Variants in PPP2R3A observed in about 807,000 individuals in gnomAD.
The protein encoded by PPP2R3A is serine/threonine-protein phosphatase 2A regulatory subunit B'' subunit alpha.
In PPP2R3A, 80 loss-of-function variants were observed where a neutral mutation model predicts 106.9. The ratio of observed to expected loss-of-function variants is 0.75; its 90% CI spans 0.62 to 0.90. PPP2R3A has a LOEUF of 0.90. Among genes scored for constraint, PPP2R3A ranks in the 40% least tolerant of loss-of-function variants. The probability of loss-of-function intolerance (pLI) is 0.00; values close to 1 mark genes in which losing one functional copy is unlikely to be tolerated. For synonymous variants in PPP2R3A, 483 were observed against 468.3 expected, an observed-to-expected ratio of 1.03 and a Z score of -0.41; for missense variants, 1,386 against 1,350.4, an observed-to-expected ratio of 1.03 and a Z score of -0.41.
At position 136,126,352 on chromosome 3, in the gene PPP2R3A, G is replaced by T. The variant is rs1207429336; in HGVS notation, c.3330-18691G>T. Among the ~76,000 whole-genome samples the T allele has an allele frequency of 2.6e-5, 4 of 152,212 alleles. No homozygotes were observed. The East Asian group carries it at 7.7e-4, about 29-fold the overall frequency. On this transcript the variant is annotated intron_variant, in intron 13 of 13. Transcript: ENST00000264977. ...CTGGCTCGGCAGGTCCCATGCCCAT[G>T]GAGCCTTGCTCACTGCTAGCGCAGC... is the stretch of plus-strand genomic sequence containing the variant.
intron 1 of PPP2R3A, among the ~76,000 whole-genome samples, chr3:135,981,457 A>G (rs1937538248): frequency 6.6e-6 from 1 of 151,906 alleles, no homozygotes; most frequent in Non-Finnish European, 1.5e-5. Flanking sequence ...GGAGCCAGTT[A>G]GCCCTTCCTT....
intron 2 of PPP2R3A, among the ~76,000 whole-genome samples, chr3:136,021,082 G>A (rs75785709): frequency 1.5e-3 from 221 of 152,164 alleles, no homozygotes; most frequent in Admixed American, 5.8e-3. Context: ...TTGGGAAGGA[G>A]AGGAAATTTA....
At chr3:135,967,632 GACAA>G (rs1449588397) in intron 1 of PPP2R3A, among the ~76,000 whole-genome samples, 5 of 152,148 alleles carry the variant, frequency 3.3e-5, no homozygotes, top group Non-Finnish European at 4.4e-5. Context: ...CCTTGCTCCT[GACAA>G]ACATAGTCCC....
At chr3:136,077,482 A>C (rs1422107909) in intron 6 of PPP2R3A, among the ~76,000 whole-genome samples, 1 of 152,134 alleles carries the variant, frequency 6.6e-6, no homozygotes, top group Non-Finnish European at 1.5e-5. Flanking sequence ...GACTATCAAA[A>C]TAAAAGCAGA....
intron 5 of PPP2R3A, among the ~76,000 whole-genome samples, chr3:136,059,935 C>T (rs561634141): frequency 6.6e-6 from 1 of 152,180 alleles, no homozygotes; most frequent in Admixed American, 6.5e-5. Flanking sequence ...ATGATGAGAA[C>T]ACATGGACAC....
At chr3:136,088,517 T>A (rs533750085) in intron 9 of PPP2R3A, among the ~76,000 whole-genome samples, 1 of 152,328 alleles carries the variant, frequency 6.6e-6, no homozygotes, top group East Asian at 1.9e-4. Flanking sequence ...TCTAGGTTGA[T>A]TCCATGTCTT....
intron 2 of PPP2R3A, among the ~76,000 whole-genome samples, chr3:136,006,586 C>A (rs567997159): frequency 1.3e-5 from 2 of 152,280 alleles, no homozygotes; most frequent in African/African-American, 4.8e-5. Context: ...CTTAGAAAAA[C>A]AGGCAGTGGG....
chr3:136,112,095 C>G (rs113251779), intron 13 of PPP2R3A, among the ~76,000 whole-genome samples: 219 of 152,214 alleles, frequency 1.4e-3, no homozygotes, highest in Non-Finnish European at 1.9e-3. Context: ...ATTCAGCACC[C>G]CTTCATGTTA....
chr3:135,968,285 A>G (rs1047781339), intron 1 of PPP2R3A, among the ~76,000 whole-genome samples: 4 of 152,164 alleles, frequency 2.6e-5, no homozygotes, highest in Admixed American at 2.6e-4. Flanking sequence ...TCTCATTACG[A>G]TTGTGTTAAT....
At chr3:136,135,401 T>C (rs1357606365) in intron 13 of PPP2R3A, among the ~76,000 whole-genome samples, 1 of 152,140 alleles carries the variant, frequency 6.6e-6, no homozygotes, top group Non-Finnish European at 1.5e-5. Context: ...ACTGACCAAC[T>C]CGTGCAAAAG....
chr3:136,107,768 C>T (rs1436514591), intron 13 of PPP2R3A, among the ~76,000 whole-genome samples: 2 of 152,112 alleles, frequency 1.3e-5, no homozygotes, highest in African/African-American at 4.8e-5. Context: ...AATCATTCAT[C>T]GTGCACTCAG....
intron 11 of PPP2R3A, 140 bp from the exon 12 acceptor site, chr3:136,103,118 T>C (rs1268986554): frequency 2.0e-6 from 1 of 511,574 alleles, no homozygotes; most frequent in Non-Finnish European, 3.5e-6. Flanking sequence ...AAAAAAGAAA[T>C]GAGATTTAAA....
intron 13 of PPP2R3A, among the ~76,000 whole-genome samples, chr3:136,116,821 T>TAGAC (rs1937781478): frequency 2.0e-5 from 3 of 151,592 alleles, no homozygotes; most frequent in Admixed American, 6.6e-5. Flanking sequence ...ATGTCAGTAT[T>TAGAC]AGATCAACAA....
At chr3:135,971,351 A>G (rs1325837095) in intron 1 of PPP2R3A, among the ~76,000 whole-genome samples, 1 of 152,148 alleles carries the variant, frequency 6.6e-6, no homozygotes, top group Non-Finnish European at 1.5e-5. Flanking sequence ...TAGAGTGACT[A>G]TTTAGGATGG....
intron 4 of PPP2R3A, among the ~76,000 whole-genome samples, chr3:136,042,422 G>A (rs1935319059): frequency 1.3e-5 from 2 of 152,162 alleles, no homozygotes. Context: ...GTTGATAGGT[G>A]CAGCACACCG....
At chr3:136,101,724 C>T (rs1179404223) in intron 10 of PPP2R3A, among the ~76,000 whole-genome samples, 1 of 152,036 alleles carries the variant, frequency 6.6e-6, no homozygotes, top group Non-Finnish European at 1.5e-5. Flanking sequence ...CCGTGCCCAG[C>T]CTCTAATAAT....
chr3:136,017,706 C>T (rs558270091), intron 2 of PPP2R3A, among the ~76,000 whole-genome samples: 1 of 152,280 alleles, frequency 6.6e-6, no homozygotes, highest in South Asian at 2.1e-4. Flanking sequence ...TTCAGAGTGA[C>T]TCTCTGTCTT....
At chr3:136,024,547 A>G (rs1369976944) in intron 2 of PPP2R3A, among the ~76,000 whole-genome samples, 2 of 152,170 alleles carry the variant, frequency 1.3e-5, no homozygotes, top group Non-Finnish European at 2.9e-5. Context: ...TTCAAATAAA[A>G]TCTTTGGCAG....
chr3:136,074,581 G>A (rs1324933000), intron 6 of PPP2R3A, among the ~76,000 whole-genome samples: 1 of 152,216 alleles, frequency 6.6e-6, no homozygotes, highest in African/African-American at 2.4e-5. Context: ...GAGGAAAGAA[G>A]TGCTAACTTG....
Sources: gnomAD v4.1 joint callset for allele counts (sites outside exome capture counted in the v4.1 genomes callset) on GRCh38, gnomAD v4.1.1 for gene constraint, MANE v1.5 for transcripts, NCBI Gene and HGNC (gene_info 2026-07-23, HGNC 2026-07-21) for gene names.